GRID2: variants seen among roughly 807,000 people sequenced by gnomAD.
The protein encoded by GRID2 is glutamate receptor ionotropic, delta-2.
A neutral mutation model predicts 114.8 loss-of-function variants in GRID2; 33 were observed. The ratio of observed to expected loss-of-function variants is 0.29; its 90% CI spans 0.22 to 0.38. The LOEUF (loss-of-function observed/expected upper bound fraction) is 0.38. Ranked by LOEUF, GRID2 falls within the 10% of genes least tolerant of loss-of-function variation. The pLI is 1.00. For synonymous variants in GRID2, 505 were observed against 449.9 expected (o/e 1.12, Z -1.55); for missense variants, 1,184 against 1,257.7 (o/e 0.94, Z 0.89).
intron 9 of GRID2, among the ~76,000 whole-genome samples, chr4:93,420,740 T>TTATC (rs1768184468): frequency 1.7e-5 from 1 of 57,912 alleles, no homozygotes; most frequent in South Asian, 6.0e-4. Context: ...ACTTATTTAT[T>TTATC]TATTTATTTA....
rs566959318 is a variant in GRID2, at chr4:92,685,449, A to G, written c.244+95163A>G. Among the ~76,000 whole-genome samples, 23 of 152,218 alleles carry G rather than the reference A, an allele frequency of 1.5e-4. 1 individual carries two copies. In the South Asian group the frequency reaches 4.6e-3, roughly 30 times the overall value. Reference sequence around the variant, plus strand: ...ATTTGTGCTGGAATCCTGACAGATGAGTGAGAACTCATCAGGAAAAAGGGA... The same window carrying G: ...ATTTGTGCTGGAATCCTGACAGATGGGTGAGAACTCATCAGGAAAAAGGGA... On this transcript the variant is annotated intron_variant, in intron 2 of 15. Transcript: ENST00000282020.
chr4:92,731,233 T>TA (rs2149324431), intron 2 of GRID2, among the ~76,000 whole-genome samples: 1 of 144,576 alleles, frequency 6.9e-6, no homozygotes, highest in Admixed American at 6.8e-5. Flanking sequence ...AATAAGTGAT[T>TA]TTTTTTTTTC....
intron 7 of GRID2, among the ~76,000 whole-genome samples, chr4:93,237,996 A>G (rs919834599): frequency 1.3e-5 from 2 of 151,958 alleles, no homozygotes; most frequent in South Asian, 4.1e-4. Context: ...TCTTATATAG[A>G]TTTTATGCAC....
chr4:93,216,638 G>A, intron 5 of GRID2, 100 bp from the exon 6 acceptor site: 1 of 774,870 alleles, frequency 1.3e-6, no homozygotes, highest in South Asian at 1.8e-5. Context: ...ATATATTACA[G>A]TAACAGAATC....
At chr4:93,043,681 T>A (rs1695228248) in intron 2 of GRID2, among the ~76,000 whole-genome samples, 1 of 151,826 alleles carries the variant, frequency 6.6e-6, no homozygotes, top group Non-Finnish European at 1.5e-5. Flanking sequence ...AATTGGAATC[T>A]GCTTATCATA....
At chr4:93,518,893 A>G (rs1335924801) in intron 13 of GRID2, among the ~76,000 whole-genome samples, 2 of 152,128 alleles carry the variant, frequency 1.3e-5, no homozygotes, top group Non-Finnish European at 2.9e-5. Flanking sequence ...ATGGATTCAG[A>G]AATAAGGGAT....
chr4:93,786,036 G>A (rs1283283669), intron 1 of GRID2, among the ~76,000 whole-genome samples: 2 of 152,156 alleles, frequency 1.3e-5, no homozygotes, highest in East Asian at 3.8e-4. Flanking sequence ...GTGTTAAATG[G>A]AAAAAACTTA....
intron 8 of GRID2, among the ~76,000 whole-genome samples, chr4:93,312,968 A>T (rs1756183189): frequency 6.6e-6 from 1 of 152,146 alleles, no homozygotes; most frequent in South Asian, 2.1e-4. Flanking sequence ...AATTTTTCAA[A>T]CGTATTTTAT....
At chr4:92,545,583 C>G (rs1560702330) in intron 1 of GRID2, among the ~76,000 whole-genome samples, 1 of 152,114 alleles carries the variant, frequency 6.6e-6, no homozygotes, top group Non-Finnish European at 1.5e-5. Context: ...CTTTAAAGTT[C>G]AAAATGGGAG....
At chr4:92,678,572 A>G (rs988176553) in intron 2 of GRID2, among the ~76,000 whole-genome samples, 8 of 151,842 alleles carry the variant, frequency 5.3e-5, no homozygotes, top group African/African-American at 1.9e-4. Context: ...AGCACCGTCT[A>G]TTGCATTTGG....
chr4:93,488,574 C>T (rs116792026), intron 11 of GRID2, among the ~76,000 whole-genome samples: 1,976 of 151,934 alleles, frequency 0.013, 43 homozygotes, highest in African/African-American at 0.045. Context: ...TTATTTCCAC[C>T]GTGAGTATAA....
chr4:93,753,515 C>T (rs1042753354), intron 14 of GRID2, among the ~76,000 whole-genome samples: 1 of 152,064 alleles, frequency 6.6e-6, no homozygotes, highest in Non-Finnish European at 1.5e-5. Context: ...CATGACAGGC[C>T]CCAGTGTGTG....
chr4:92,796,794 A>G (rs1739900291), intron 2 of GRID2, among the ~76,000 whole-genome samples: 1 of 151,894 alleles, frequency 6.6e-6, no homozygotes, highest in Non-Finnish European at 1.5e-5. Context: ...CTGGGATTAA[A>G]TTCTAGAACT....
Position 93,116,316 on chromosome 4 carries a change from C to T in GRID2, c.735+5363C>T, listed in dbSNP as rs184295425. On this transcript the variant is annotated intron_variant, in intron 4 of 15. Transcript: ENST00000282020. ...GTGTTGGAAGCACGTATTTTCTATT[C>T]TGTTACTAGAAATAAATTATTCATG... Among the ~76,000 whole-genome samples the T allele has an allele frequency of 3.8e-3, 580 of 152,168 alleles. 1 individual carries two copies. Among genetic ancestry groups the T allele is most frequent in the Non-Finnish European group, 6.1e-3 (416 of 67,966 alleles).
At chr4:92,479,527 T>C (rs910617685) in intron 1 of GRID2, among the ~76,000 whole-genome samples, 33 of 152,174 alleles carry the variant, frequency 2.2e-4, no homozygotes, top group African/African-American at 8.0e-4. Context: ...AGCACTTACA[T>C]ATTATTAGAT....
At chr4:92,795,817 T>C (rs1020499188) in intron 2 of GRID2, among the ~76,000 whole-genome samples, 1 of 151,986 alleles carries the variant, frequency 6.6e-6, no homozygotes, top group Non-Finnish European at 1.5e-5. Flanking sequence ...CTCATCTCCA[T>C]CAAGTTGTTT....
At chr4:93,652,358 G>A (rs962216966) in intron 14 of GRID2, among the ~76,000 whole-genome samples, 1 of 152,088 alleles carries the variant, frequency 6.6e-6, no homozygotes, top group Non-Finnish European at 1.5e-5. Context: ...ATACAGTCAT[G>A]TACCACATAA....
At chr4:93,363,895 G>A (rs1318639648) in intron 8 of GRID2, among the ~76,000 whole-genome samples, 1 of 151,744 alleles carries the variant, frequency 6.6e-6, no homozygotes, top group Admixed American at 6.6e-5. Context: ...CTTCATATAT[G>A]TAATTGCTTC....
chr4:92,765,396 C>T lies in GRID2; in HGVS notation c.244+175110C>T, dbSNP rs116924160. On this transcript the variant is annotated intron_variant, in intron 2 of 15. Coordinates refer to ENST00000282020, the MANE Select transcript of GRID2 (RefSeq NM_001510.4). ...TCATCATTATATGCATTGTTATACA[C>T]ATATTTTATGGGTAAGGATAATGGA... 1.5e-4 allele frequency among the ~76,000 whole-genome samples: 23 copies of T among 152,156 alleles called. No individual in the cohort carries two copies. The East Asian group carries it at 4.3e-3, about 28-fold the overall frequency.
Sources: allele counts gnomAD v4.1 joint callset (sites outside exome capture counted in the v4.1 genomes callset), GRCh38; gene constraint gnomAD v4.1.1; transcripts MANE v1.5; gene names NCBI Gene and HGNC (gene_info 2026-07-23, HGNC 2026-07-21).